Variants in BLM observed in about 807,000 individuals in gnomAD.
BLM encodes the protein recQ-like DNA helicase BLM.
In BLM, 95 loss-of-function variants were observed where a neutral mutation model predicts 135.3. That is an observed-to-expected ratio of 0.70 (90% confidence interval 0.59 to 0.83). The LOEUF (loss-of-function observed/expected upper bound fraction) is 0.83, where lower values mean the gene tolerates loss of function less well. Among genes scored for constraint, BLM ranks in the 40% least tolerant of loss-of-function variants. The pLI is 0.00. For missense variants in BLM, 1,518 were observed against 1,663.9 expected (o/e 0.91, Z 1.53); for synonymous variants, 520 against 589.2 (o/e 0.88, Z 1.70).
At chr15:90,764,055 C>G (rs182672879) in intron 8 of BLM, among the ~76,000 whole-genome samples, 33 of 152,044 alleles carry the variant, frequency 2.2e-4, no homozygotes, top group African/African-American at 6.3e-4. Flanking sequence ...ATTAATCACT[C>G]TGTGCCTTCC....
chr15:90,794,118 C>A, intron 15 of BLM, 49 bp from the exon 16 acceptor site: 1 of 1,369,982 alleles, frequency 7.3e-7, no homozygotes, highest in Non-Finnish European at 1.0e-6. Flanking sequence ...ATGATATGCT[C>A]TATTTTTCCC....
At chr15:90,772,026 T>C (rs918427029) in intron 12 of BLM, among the ~76,000 whole-genome samples, 1 of 152,150 alleles carries the variant, frequency 6.6e-6, no homozygotes, top group Non-Finnish European at 1.5e-5. Flanking sequence ...ATGAAAAATG[T>C]GAAGGAATTT....
intron 12 of BLM, among the ~76,000 whole-genome samples, chr15:90,774,568 T>A (rs1567048102): frequency 6.6e-6 from 1 of 150,490 alleles, no homozygotes; most frequent in Non-Finnish European, 1.5e-5. Context: ...GCTCGGTGGC[T>A]CATGCCTGTA....
Position 90,760,270 on chromosome 15 carries a change from G to A in BLM, c.1211G>A (p.Arg404Gln), listed in dbSNP as rs776516663. Reference sequence around the variant, plus strand: ...TGTGGGAACGAACTGCTTCAGCAGCGGAACATAAGGTATCTTAATTTTCCC... The same window carrying A: ...TGTGGGAACGAACTGCTTCAGCAGCAGAACATAAGGTATCTTAATTTTCCC... ...LDCGNELLQQ[R>Q]NIRRKLLTEV... The change falls in exon 6 of 22, where the codon CGG (arginine) becomes CAG (glutamine). Residue 404 changes from arginine to glutamine, a missense_variant. Physicochemically the swap from Arg to Gln is conservative, Grantham distance 43. Transcript: ENST00000355112. 1.4e-5 allele frequency: 22 copies of A among 1,613,794 alleles called. No individual in the cohort carries two copies. The highest frequency in any genetic ancestry group is 1.7e-4 in the Middle Eastern group (1 of 6,050).
intron 1 of BLM, among the ~76,000 whole-genome samples, chr15:90,733,101 TAAAA>T (rs201551298): frequency 6.8e-6 from 1 of 146,906 alleles, no homozygotes; most frequent in African/African-American, 2.5e-5. Context: ...TCAAAAAAAT[TAAAA>T]AAAAAAGATG....
chr15:90,744,839 C>T (rs1288948157), intron 1 of BLM, among the ~76,000 whole-genome samples: 2 of 152,122 alleles, frequency 1.3e-5, no homozygotes, highest in East Asian at 1.9e-4. Flanking sequence ...CCCTTGAGCA[C>T]AGGAGTTCGA....
At chr15:90,773,174 C>T (rs563524046) in intron 12 of BLM, among the ~76,000 whole-genome samples, 37 of 150,666 alleles carry the variant, frequency 2.5e-4, no homozygotes, top group Non-Finnish European at 4.1e-4. Context: ...AATCCCAGCA[C>T]TTTGGGAGGC....
chr15:90,807,838 G>A (rs1897317421), intron 19 of BLM, among the ~76,000 whole-genome samples: 1 of 152,160 alleles, frequency 6.6e-6, no homozygotes, highest in South Asian at 2.1e-4. Flanking sequence ...CTCAATACAT[G>A]AGGTACAAAC....
chr15:90,757,465 T>C (rs1895849163), intron 5 of BLM, among the ~76,000 whole-genome samples: 1 of 152,230 alleles, frequency 6.6e-6, no homozygotes, highest in Non-Finnish European at 1.5e-5. Flanking sequence ...CCATTGTGTA[T>C]TCTCTTTCCA....
chr15:90,779,892 A>T (rs1896574868), intron 12 of BLM, among the ~76,000 whole-genome samples: 1 of 152,166 alleles, frequency 6.6e-6, no homozygotes, highest in African/African-American at 2.4e-5. Flanking sequence ...CTTTAATTAA[A>T]GAAAATTTCA....
intron 5 of BLM, among the ~76,000 whole-genome samples, chr15:90,756,300 T>C (rs1172403951): frequency 6.6e-6 from 1 of 152,170 alleles, no homozygotes; most frequent in East Asian, 1.9e-4. Context: ...AGACAGGGTT[T>C]CACCATTTTA....
intron 12 of BLM, among the ~76,000 whole-genome samples, chr15:90,771,956 G>A (rs968428362): frequency 3.9e-5 from 6 of 152,122 alleles, no homozygotes; most frequent in African/African-American, 1.2e-4. Flanking sequence ...GGAAAGCAAG[G>A]TTGTGGATTT....
At chr15:90,783,666 G>A (rs997586967) in intron 13 of BLM, among the ~76,000 whole-genome samples, 9 of 152,286 alleles carry the variant, frequency 5.9e-5, no homozygotes, top group African/African-American at 1.2e-4. Flanking sequence ...TTGGGAGGCC[G>A]AGGTGGGTGA....
At chr15:90,723,721 A>G (rs1175346105) in intron 1 of BLM, among the ~76,000 whole-genome samples, 1 of 152,194 alleles carries the variant, frequency 6.6e-6, no homozygotes, top group Non-Finnish European at 1.5e-5. Context: ...AGTACCACAC[A>G]GCCACAATGT....
chr15:90,764,400 G>A (rs912771320), intron 8 of BLM, among the ~76,000 whole-genome samples: 1 of 151,406 alleles, frequency 6.6e-6, no homozygotes, highest in Non-Finnish European at 1.5e-5. Context: ...CACCCATGCT[G>A]GAATACAGTG....
chr15:90,779,210 C>T (rs548760523), intron 12 of BLM, among the ~76,000 whole-genome samples: 9 of 152,182 alleles, frequency 5.9e-5, no homozygotes, highest in South Asian at 2.1e-4. Flanking sequence ...AAAGAACTGT[C>T]GCACTGTTTT....
chr15:90,813,889 T>A (rs142274284), intron 21 of BLM, among the ~76,000 whole-genome samples: 1 of 152,320 alleles, frequency 6.6e-6, no homozygotes, highest in East Asian at 1.9e-4. Context: ...CCTCAGAGTT[T>A]CACATCTTCA....
At chr15:90,803,289 G>T (rs532332653) in intron 17 of BLM, among the ~76,000 whole-genome samples, 47 of 152,150 alleles carry the variant, frequency 3.1e-4, no homozygotes, top group Non-Finnish European at 5.9e-4. Flanking sequence ...TAATTTTGCT[G>T]CTGTTTTTTG....
At chr15:90,783,629 G>C (rs1464175618) in intron 13 of BLM, among the ~76,000 whole-genome samples, 1 of 152,162 alleles carries the variant, frequency 6.6e-6, no homozygotes, top group Non-Finnish European at 1.5e-5. Flanking sequence ...GCCAGGCACT[G>C]TGGTTCACGC....
Sources: gnomAD v4.1 joint callset for allele counts (sites outside exome capture counted in the v4.1 genomes callset) on GRCh38, gnomAD v4.1.1 for gene constraint, MANE v1.5 for transcripts, NCBI Gene and HGNC (gene_info 2026-07-23, HGNC 2026-07-21) for gene names.